ITGB4: variants seen among roughly 807,000 people sequenced by gnomAD.
The protein encoded by ITGB4 is integrin subunit beta 4, also known as integrin beta-4.
ITGB4 carries 159 observed loss-of-function variants against 207.6 expected under a neutral mutation model. The ratio of observed to expected loss-of-function variants is 0.77; its 90% CI spans 0.67 to 0.87. The LOEUF (loss-of-function observed/expected upper bound fraction) is 0.87. Ranked by LOEUF, ITGB4 falls within the 40% of genes least tolerant of loss-of-function variation. ITGB4 has a pLI of 0.00. For missense variants in ITGB4, 2,278 were observed against 2,546.8 expected, an observed-to-expected ratio of 0.89 and a Z score of 2.27; for synonymous variants, 1,020 against 1,062.7, an observed-to-expected ratio of 0.96 and a Z score of 0.78.
At position 75,750,314 on chromosome 17, in the gene ITGB4, G is replaced by T; in HGVS notation, c.3474+46G>T. Reference sequence around the variant, plus strand: ...TCACGACAGGTGGATGGGCGGTCTGGCACCAGCACTCACAGAAGAGGTGGG... The same window carrying T: ...TCACGACAGGTGGATGGGCGGTCTGTCACCAGCACTCACAGAAGAGGTGGG... On this transcript the variant is annotated intron_variant, in intron 28 of 39. Coordinates refer to ENST00000200181, the MANE Select transcript of ITGB4 (RefSeq NM_000213.5). This position sits in a 1 kb window ranked among gnomAD's most constrained non-coding sequence, Gnocchi z 5.5. The T allele has an allele frequency of 6.4e-7, 1 of 1,566,288 alleles. No homozygotes were observed. The highest frequency in any genetic ancestry group is 8.7e-7 in the Non-Finnish European group (1 of 1,152,784).
In ITGB4 at chr17:75,727,675, C is replaced by T. The variant is rs369326405; in HGVS notation, c.289C>T (p.Arg97Trp). 5.7e-5 allele frequency: 91 copies of T among 1,608,808 alleles called. No homozygotes were observed. In the Middle Eastern group the frequency reaches 6.0e-4, roughly 11 times the overall value. Residue 97 changes from arginine (R) to tryptophan (W), a missense_variant, in exon 5 of 40, where the codon CGG becomes TGG. Physicochemically the swap from Arg to Trp is moderately radical, Grantham distance 101. Coordinates refer to ENST00000200181, the MANE Select transcript of ITGB4 (RefSeq NM_000213.5). This position sits in a 1 kb window ranked among gnomAD's most constrained non-coding sequence, Gnocchi z 6.0. The part of the protein sequence containing the change: ...TEETQIDTTL[R>W]RSQMSPQGLR... Reference sequence around the variant, plus strand: ...GGAGACCCAGATTGACACCACCCTGCGGCGCAGCCAGATGTCCCCCCAAGG... The same window carrying T: ...GGAGACCCAGATTGACACCACCCTGTGGCGCAGCCAGATGTCCCCCCAAGG...
chr17:75,736,816 A>G, intron 16 of ITGB4, 122 bp downstream of exon 16: 1 of 1,102,676 alleles, frequency 9.1e-7, no homozygotes, highest in South Asian at 1.4e-5. Context: ...CAGTCCGGAC[A>G]GGAACTCCAG....
chr17:75,754,528 C>G, intron 33 of ITGB4, 48 bp from the exon 34 acceptor site: 7 of 1,611,762 alleles, frequency 4.3e-6, no homozygotes, highest in Non-Finnish European at 5.9e-6. Flanking sequence ...CCCACGGGGC[C>G]CGGGTCTGGG....
rs1212469566 is a variant in ITGB4 at position 75,756,806 on chromosome 17, C to T, written c.5000C>T (p.Pro1667Leu). 9 of 1,612,562 alleles carry T rather than the reference C, an allele frequency of 5.6e-6. No homozygotes were observed. Among genetic ancestry groups the T allele is most frequent in the Non-Finnish European group, 6.8e-6 (8 of 1,180,016 alleles). Residue 1667 changes from proline to leucine, a missense_variant, in exon 37 of 40, where the codon CCC becomes CTC. By Grantham distance (98) the Pro-to-Leu change is moderately conservative. Transcript: ENST00000200181. ...LQLSWERPRR[P>L]NGDIVGYLVT... ...CTGAGCTGGGAGCGGCCACGGAGGC[C>T]CAATGGGGATATCGTCGGCTACCTG...
At position 75,740,608 on chromosome 17, in the gene ITGB4, C is replaced by A; in HGVS notation, c.2550+147C>A. 1.0e-6 allele frequency: 1 copy of A among 954,758 alleles called. No individual in the cohort carries two copies. Among genetic ancestry groups the A allele is most frequent in the Non-Finnish European group, 1.6e-6 (1 of 607,530 alleles). The allele number at this position is 954,758 out of a possible 1,614,324, so 59.1% of individuals were successfully genotyped here. A position where few individuals can be genotyped will look rare whatever the true frequency, so the allele number is the denominator to read the frequency against. The stretch of plus-strand genomic sequence containing the variant: ...GGACCTGTGCCTGGCAGGGGGCATC[C>A]TGGGATCTGTTTCCAGAGGGCAGAA... On this transcript the variant is annotated intron_variant, in intron 21 of 39. Coordinates refer to ENST00000200181, the MANE Select transcript of ITGB4 (RefSeq NM_000213.5). This position sits in a 1 kb window ranked among gnomAD's most constrained non-coding sequence, Gnocchi z 5.9.
In ITGB4 at chr17:75,742,215, T is replaced by C; in HGVS notation, c.2634-126T>C. On this transcript the variant is annotated intron_variant, in intron 23 of 39. Coordinates refer to ENST00000200181, the MANE Select transcript of ITGB4 (RefSeq NM_000213.5). The surrounding 1 kb of genome is among the most constrained non-coding windows in gnomAD (Gnocchi z 5.9). ...ATAGGCCTGGAGCACTGCCTGCCTC[T>C]GAAGACCCTGCACTTCTTGCTGTCT... 1 of 1,251,028 alleles carries C rather than the reference T, an allele frequency of 8.0e-7. No individual in the cohort carries two copies. The highest frequency in any genetic ancestry group is 2.5e-5 in the East Asian group (1 of 39,948). 77.5% of individuals were successfully genotyped at this position (1,251,028 alleles called of 1,614,324 possible). A position where few individuals can be genotyped will look rare whatever the true frequency, so the allele number is the denominator to read the frequency against.
At chr17:75,728,556 T>A in intron 6 of ITGB4, 83 bp downstream of exon 6, 1 of 1,161,482 alleles carries the variant, frequency 8.6e-7, no homozygotes, top group Non-Finnish European at 1.3e-6. Context: ...AACTTAAAAT[T>A]ATCCTTCTAC....
Position 75,742,909 on chromosome 17 carries a change from T to C in ITGB4, c.2962+148T>C. ...TTGGTTTCTCCATCTGTAAAATGGG[T>C]AAGGGCTCTTTTACGGAATGCGTGG... On this transcript the variant is annotated intron_variant, in intron 25 of 39. Coordinates refer to ENST00000200181, the MANE Select transcript of ITGB4 (RefSeq NM_000213.5). The surrounding 1 kb of genome is among the most constrained non-coding windows in gnomAD (Gnocchi z 5.9). 1.3e-6 allele frequency: 1 copy of C among 756,318 alleles called. No homozygotes were observed. The highest frequency in any genetic ancestry group is 2.7e-5 in the East Asian group (1 of 37,106). 46.9% of individuals were successfully genotyped at this position (756,318 alleles called of 1,614,324 possible). A position where few individuals can be genotyped will look rare whatever the true frequency, so the allele number is the denominator to read the frequency against.
At chr17:75,725,412 A>G (rs1380267802) in intron 2 of ITGB4, among the ~76,000 whole-genome samples, 1 of 152,162 alleles carries the variant, frequency 6.6e-6, no homozygotes, top group African/African-American at 2.4e-5. Context: ...TCCCAGGCTC[A>G]AGCAATCCTC....
intron 12 of ITGB4, among the ~76,000 whole-genome samples, chr17:75,733,114 C>T (rs903663823): frequency 2.0e-5 from 3 of 148,508 alleles, no homozygotes; most frequent in East Asian, 4.0e-4. Flanking sequence ...ATAGGCCAGG[C>T]GCGGTGGCTT....
intron 27 of ITGB4, among the ~76,000 whole-genome samples, chr17:75,749,803 A>G (rs1013208795): frequency 2.0e-5 from 3 of 152,204 alleles, no homozygotes; most frequent in Non-Finnish European, 2.9e-5. Flanking sequence ...CTCAGGGTAC[A>G]GTGTGGAGAT....
At chr17:75,748,235 C>T (rs1286380762) in intron 26 of ITGB4, among the ~76,000 whole-genome samples, 4 of 150,130 alleles carry the variant, frequency 2.7e-5, no homozygotes, top group East Asian at 1.9e-4. Context: ...GTGTGGTGCA[C>T]GCCTGTAGTC....
rs1473003855 is a variant in ITGB4 at position 75,752,463 on chromosome 17, A to T, written c.3994A>T (p.Ile1332Phe). 1.2e-6 allele frequency: 2 copies of T among 1,613,558 alleles called. No homozygotes were observed. The highest frequency in any genetic ancestry group is 1.7e-6 in the Non-Finnish European group (2 of 1,180,024). Residue 1332 changes from isoleucine (I) to phenylalanine (F), a missense_variant, in exon 32 of 40, where the codon ATC becomes TTC. Ile to Phe is a conservative substitution (Grantham distance 21, BLOSUM62 0). Transcript: ENST00000200181. ...CCCTGCAGTCCCCATCATCCCTGAC[A>T]TCCCTATCGTGGACGCCCAGAGCGG... ...RPMSIPIIPD[I>F]PIVDAQSGED...
chr17:75,748,897 G>A lies in ITGB4; in HGVS notation c.3168G>A (p.Glu1056=). 6.2e-7 allele frequency: 1 copy of A among 1,613,268 alleles called. No individual in the cohort carries two copies. The highest frequency in any genetic ancestry group is 1.1e-5 in the South Asian group (1 of 91,010). ...TCCAGCCTGGGGAGGCCTGGAAAGA[G>A]CTGCAGGTGAAGCTCCTGGAGCTGC... ...LLFQPGEAWK[E]LQVKLLELQE... is the part of the protein sequence containing the mutation. The change falls in exon 27 of 40, where the codon GAG becomes GAA. Residue 1056 remains glutamate, a synonymous_variant. Transcript: ENST00000200181.
chr17:75,726,945 C>T (rs1277568803), intron 2 of ITGB4, among the ~76,000 whole-genome samples: 3 of 151,890 alleles, frequency 2.0e-5, no homozygotes, highest in African/African-American at 4.8e-5. Context: ...TGGTGGCGGG[C>T]GCCTGTAGTC....
intron 1 of ITGB4, among the ~76,000 whole-genome samples, chr17:75,723,257 C>T (rs1267112350): frequency 6.6e-6 from 1 of 152,202 alleles, no homozygotes; most frequent in African/African-American, 2.4e-5. Context: ...TCCCGCCGGG[C>T]TCCTGTGCTG....
At chr17:75,730,219 C>T (rs377373750) in intron 7 of ITGB4, 22 bp from the exon 8 acceptor site, 17 of 1,611,620 alleles carry the variant, frequency 1.1e-5, no homozygotes, top group African/African-American at 2.7e-5. Flanking sequence ...TCAGTGGGCA[C>T]GCCCCGCCTT....
Position 75,740,864 on chromosome 17 carries a change from G to C in ITGB4, c.2609+13G>C. 3 of 1,613,686 alleles carry C rather than the reference G, an allele frequency of 1.9e-6. No homozygotes were observed. The highest frequency in any genetic ancestry group is 2.2e-5 in the South Asian group (2 of 91,082). On this transcript the variant is annotated intron_variant, in intron 22 of 39. Transcript: ENST00000200181. The surrounding 1 kb of genome is among the most constrained non-coding windows in gnomAD (Gnocchi z 5.9). ...AGACCAAGTTCCGGTGAGTCCCGGG[G>C]TGCCCGGGTTGGGTGGGGGAGCCGC...
rs544487259 is a variant in ITGB4 at position 75,749,017 on chromosome 17, C to G, written c.3288C>G (p.His1096Gln). The G allele has an allele frequency of 3.1e-6, 5 of 1,612,178 alleles. No individual in the cohort carries two copies. Among genetic ancestry groups the G allele is most frequent in the South Asian group, 1.1e-5 (1 of 91,048 alleles). Residue 1096 changes from histidine to glutamine, a missense_variant, in exon 27 of 40, where the codon CAC becomes CAG. Coordinates refer to ENST00000200181, the MANE Select transcript of ITGB4 (RefSeq NM_000213.5). ...TTGGGGCCCACCTGGGCCAGCCCCA[C>G]TCCACCACCATCATCATCAGGGACC... ...PKFGAHLGQPHSTTIIIRDPD... is the reference protein window; with the variant it reads ...PKFGAHLGQPQSTTIIIRDPD...
Sources: allele counts gnomAD v4.1 joint callset (sites outside exome capture counted in the v4.1 genomes callset), GRCh38; gene constraint gnomAD v4.1.1; non-coding constraint Gnocchi (gnomAD v3.1); transcripts MANE v1.5; gene names NCBI Gene and HGNC (gene_info 2026-07-23, HGNC 2026-07-21).